Variants in WDFY4 observed in about 807,000 individuals in gnomAD.
WDFY4 encodes the protein WD repeat- and FYVE domain-containing protein 4.
A neutral mutation model predicts 351.9 loss-of-function variants in WDFY4; 169 were observed. That is an observed-to-expected ratio of 0.48 (90% CI 0.42 to 0.55). The LOEUF (loss-of-function observed/expected upper bound fraction) is 0.55. WDFY4 is among the 20% of genes least tolerant of loss of function. The pLI, the probability that WDFY4 is intolerant of heterozygous loss-of-function variation, is 0.00. For synonymous variants in WDFY4, 1,622 were observed against 1,574.6 expected (o/e 1.03, Z -0.71); for missense variants, 3,803 against 3,935.6 (o/e 0.97, Z 0.90).
intron 2 of WDFY4, among the ~76,000 whole-genome samples, chr10:48,712,156 T>G (rs1208002011): frequency 1.4e-4 from 21 of 152,274 alleles, no homozygotes; most frequent in Admixed American, 1.4e-3. Context: ...GCTCAAGTCC[T>G]GGCTGCATCA....
chr10:48,851,500 C>T lies in WDFY4; in HGVS notation c.6664-15765C>T, dbSNP rs548550718. Among the ~76,000 whole-genome samples the T allele has an allele frequency of 3.3e-5, 5 of 152,312 alleles. No individual in the cohort carries two copies. The East Asian group carries it at 9.7e-4, about 29-fold the overall frequency. On this transcript the variant is annotated intron_variant, in intron 39 of 61. Coordinates refer to ENST00000325239, the MANE Select transcript of WDFY4 (RefSeq NM_001394531.1). ...GCAGGTGAGGACTCGGCGTCCCTCC[C>T]CTCTGAGTTTAGTCCCAGGCCTGAC...
intron 1 of WDFY4, among the ~76,000 whole-genome samples, chr10:48,686,933 A>G (rs1411852654): frequency 6.6e-6 from 1 of 152,132 alleles, no homozygotes; most frequent in African/African-American, 2.4e-5. Flanking sequence ...GCCTTACTGG[A>G]TGTCACCACG....
rs1565198736 is a variant in WDFY4, at chr10:48,787,909, CTT to C, written c.3809-620_3809-619del. ...TCTTCTTCTCCTTCTTCTTCTTCTT[CTT>C]CTTCTTCTTCTTCTTCTTCTTCTTC... On this transcript the variant is annotated intron_variant, in intron 20 of 61. Transcript: ENST00000325239. 9.3e-4 allele frequency among the ~76,000 whole-genome samples: 35 copies of C among 37,772 alleles called. 2 individuals are homozygous for C. Among genetic ancestry groups the C allele is most frequent in the African/African-American group, 4.4e-3 (30 of 6,764 alleles). The allele number at this position is 37,772 out of a possible 152,430, so 24.8% of individuals were successfully genotyped here.
intron 43 of WDFY4, 102 bp from the exon 44 acceptor site, chr10:48,890,477 C>T: frequency 7.1e-7 from 1 of 1,411,976 alleles, no homozygotes; most frequent in Non-Finnish European, 9.7e-7. Context: ...GCTCTCACCT[C>T]CAATTGCCCC....
intron 1 of WDFY4, among the ~76,000 whole-genome samples, chr10:48,696,967 C>T (rs770925694): frequency 2.0e-4 from 30 of 152,198 alleles, no homozygotes; most frequent in South Asian, 6.2e-4. Flanking sequence ...AGAGATGGAG[C>T]TGGGATTTGA....
chr10:48,799,052 A>T (rs1219536491), intron 24 of WDFY4, among the ~76,000 whole-genome samples: 1 of 152,188 alleles, frequency 6.6e-6, no homozygotes, highest in African/African-American at 2.4e-5. Context: ...TGCTGTGGCC[A>T]TGCTCAGCCA....
chr10:48,954,485 T>A (rs1343042297), intron 51 of WDFY4, among the ~76,000 whole-genome samples: 1 of 152,278 alleles, frequency 6.6e-6, no homozygotes, highest in Non-Finnish European at 1.5e-5. Flanking sequence ...TTAATTGTGC[T>A]GGTTTATTTC....
At chr10:48,858,364 T>C (rs1018757501) in intron 39 of WDFY4, among the ~76,000 whole-genome samples, 3 of 152,246 alleles carry the variant, frequency 2.0e-5, no homozygotes, top group African/African-American at 7.2e-5. Flanking sequence ...TACATTAAAG[T>C]CTGTGGTCCA....
chr10:48,693,371 G>A (rs896480942), intron 1 of WDFY4, among the ~76,000 whole-genome samples: 1 of 152,208 alleles, frequency 6.6e-6, no homozygotes, highest in Non-Finnish European at 1.5e-5. Context: ...TGGCCTACCA[G>A]CCTCATACAG....
chr10:48,865,919 G>A (rs536519007), intron 39 of WDFY4, among the ~76,000 whole-genome samples: 3 of 152,144 alleles, frequency 2.0e-5, no homozygotes, highest in Non-Finnish European at 2.9e-5. Context: ...AGTAAGGTCA[G>A]TAGTATTGTC....
intron 53 of WDFY4, among the ~76,000 whole-genome samples, chr10:48,963,122 C>T (rs1002517305): frequency 6.6e-6 from 1 of 152,124 alleles, no homozygotes; most frequent in African/African-American, 2.4e-5. Context: ...GATCAAAAAC[C>T]ACACATGAGC....
chr10:48,823,296 G>A (rs1467892990), intron 35 of WDFY4: 4 of 1,286,486 alleles, frequency 3.1e-6, no homozygotes, highest in Non-Finnish European at 4.1e-6. Flanking sequence ...CACCCAGGGG[G>A]ATGTCTGTGA....
intron 51 of WDFY4, among the ~76,000 whole-genome samples, chr10:48,953,333 T>TCTCTCTCTCTCTCACACACACACA (rs771339557): frequency 1.6e-5 from 2 of 128,130 alleles, no homozygotes; most frequent in African/African-American, 5.9e-5. Flanking sequence ...TCTCTCTCTC[T>TCTCTCTCTCTCTCACACACACACA]CACACACACA....
At chr10:48,958,494 C>T (rs1285469389) in intron 52 of WDFY4, among the ~76,000 whole-genome samples, 1 of 152,150 alleles carries the variant, frequency 6.6e-6, no homozygotes, top group Non-Finnish European at 1.5e-5. Flanking sequence ...GCATGATGGG[C>T]TCAGCTGCAG....
At chr10:48,824,124 C>T (rs2067918089) in intron 35 of WDFY4, 1 of 985,322 alleles carries the variant, frequency 1.0e-6, no homozygotes. Flanking sequence ...CTACTTCTCC[C>T]TCTAAGTTTC....
chr10:48,849,652 T>A (rs886893851), intron 39 of WDFY4, among the ~76,000 whole-genome samples: 1 of 152,194 alleles, frequency 6.6e-6, no homozygotes, highest in South Asian at 2.1e-4. Flanking sequence ...ATTTTTAATT[T>A]TGGGATACTT....
At chr10:48,695,108 T>G (rs889028866) in intron 1 of WDFY4, among the ~76,000 whole-genome samples, 6 of 152,254 alleles carry the variant, frequency 3.9e-5, no homozygotes, top group Admixed American at 3.9e-4. Context: ...GACAAATGAC[T>G]GACACTGAGT....
intron 5 of WDFY4, 43 bp downstream of exon 5, chr10:48,723,610 A>C (rs1182241055): frequency 1.9e-6 from 3 of 1,549,074 alleles, no homozygotes; most frequent in Non-Finnish European, 2.6e-6. Flanking sequence ...TCAAAACCTC[A>C]CTTCGGGGAC....
intron 11 of WDFY4, among the ~76,000 whole-genome samples, chr10:48,736,410 G>T (rs748736119): frequency 6.6e-6 from 1 of 152,202 alleles, no homozygotes. Context: ...ACTGGCACGG[G>T]TTATTTTCTG....
Sources: allele counts gnomAD v4.1 joint callset (sites outside exome capture counted in the v4.1 genomes callset), GRCh38; gene constraint gnomAD v4.1.1; transcripts MANE v1.5; gene names NCBI Gene and HGNC (gene_info 2026-07-23, HGNC 2026-07-21).